The following ELF4 variants were observed in gnomAD, a reference collection of about 807,000 sequenced individuals.
ELF4 encodes ETS-related transcription factor Elf-4.
Under a neutral mutation model 31.7 loss-of-function variants are expected in ELF4, and 10 were observed. That is an observed-to-expected ratio of 0.32 (90% CI 0.19 to 0.54). The LOEUF is 0.54. Ranked by LOEUF, ELF4 falls within the 20% of genes least tolerant of loss-of-function variation. The probability of loss-of-function intolerance (pLI) is 0.95; values close to 1 mark genes in which losing one functional copy is unlikely to be tolerated. For missense variants in ELF4, 418 were observed against 522.0 expected (o/e 0.80, Z 1.94); for synonymous variants, 208 against 226.7 (o/e 0.92, Z 0.74).
chrX:130,081,211 G>C, intron 2 of ELF4, 45 bp downstream of exon 2: 1 of 1,190,901 alleles, frequency 8.4e-7, no homozygotes, highest in Non-Finnish European at 1.1e-6. Context: ...GTGTCTATCT[G>C]ATTGTCCACA....
At chrX:130,102,933 AGGGAGGG>A (rs1933306073) in intron 1 of ELF4, among the ~76,000 whole-genome samples, 1 of 102,656 alleles carries the variant, frequency 9.7e-6, no homozygotes, top group African/African-American at 3.7e-5. Flanking sequence ...AGAGAGAAGG[AGGGAGGG>A]AGGAAGGAAG....
At chrX:130,102,868 G>GAAAGAAAGAAAGAA (rs1339743473) in intron 1 of ELF4, among the ~76,000 whole-genome samples, 1 of 65,414 alleles carries the variant, frequency 1.5e-5, no homozygotes, top group African/African-American at 9.3e-5. Context: ...GAGAGAGAGA[G>GAAAGAAAGAAAGAA]AGAGAGAGAG....
chrX:130,073,235 T>A (rs1356047975), intron 4 of ELF4, among the ~76,000 whole-genome samples: 1 of 111,209 alleles, frequency 9.0e-6, no homozygotes, highest in Non-Finnish European at 1.9e-5. Context: ...ATTATAGGCA[T>A]GTGCCACCAC....
intron 1 of ELF4, 142 bp from the exon 2 acceptor site, chrX:130,081,681 G>T: frequency 3.3e-6 from 1 of 300,731 alleles, no homozygotes. Context: ...AGGATGATGA[G>T]AGAAGAAAAG....
intron 1 of ELF4, among the ~76,000 whole-genome samples, chrX:130,086,742 G>A (rs892457312): frequency 2.7e-5 from 3 of 112,840 alleles, no homozygotes; most frequent in Non-Finnish European, 3.8e-5. Flanking sequence ...ATTAAAAAGC[G>A]TTCATCCAGA....
intron 1 of ELF4, among the ~76,000 whole-genome samples, chrX:130,096,006 A>G (rs988467388): frequency 3.6e-5 from 4 of 111,143 alleles, no homozygotes; most frequent in African/African-American, 1.3e-4. Flanking sequence ...CCAAATTCCC[A>G]CTAAGCTCAG....
At chrX:130,099,364 A>G (rs1603209703) in intron 1 of ELF4, among the ~76,000 whole-genome samples, 1 of 111,783 alleles carries the variant, frequency 8.9e-6, no homozygotes, top group East Asian at 2.9e-4. Context: ...GCCTGAGGTC[A>G]GGAGTTCAAG....
intron 1 of ELF4, among the ~76,000 whole-genome samples, chrX:130,091,708 G>C (rs1458014926): frequency 1.8e-5 from 2 of 111,571 alleles, no homozygotes; most frequent in Non-Finnish European, 3.8e-5. Context: ...TCCTGGGCTG[G>C]GGTTAGGAGA....
rs758729488 is a variant in ELF4 at position 130,093,953 on chromosome X, C to T, written c.-209-12414G>A. Reference sequence around the variant, plus strand: ...GGCCTCCTGTCATGAGAGCAGGGGCCGGGCGTGGTGGCTCACACCTGTAAT... The same window carrying T: ...GGCCTCCTGTCATGAGAGCAGGGGCTGGGCGTGGTGGCTCACACCTGTAAT... On this transcript the variant is annotated intron_variant, in intron 1 of 8. Transcript: ENST00000308167. Among the ~76,000 whole-genome samples the T allele has an allele frequency of 3.7e-3, 413 of 112,204 alleles. 1 individual carries two copies. The highest frequency in any genetic ancestry group is 0.013 in the African/African-American group (388 of 30,870).
intron 1 of ELF4, among the ~76,000 whole-genome samples, chrX:130,101,677 G>A (rs1371317082): frequency 1.8e-5 from 2 of 110,305 alleles, no homozygotes; most frequent in African/African-American, 6.6e-5. Flanking sequence ...TGTAATCCCA[G>A]GTACTCGGGA....
intron 5 of ELF4, among the ~76,000 whole-genome samples, 158 bp from the exon 6 acceptor site, chrX:130,071,577 C>A (rs1052519924): frequency 8.0e-5 from 9 of 112,294 alleles, no homozygotes; most frequent in African/African-American, 2.9e-4. Context: ...GCCTTTGCAC[C>A]CTCATTTTCA....
At chrX:130,092,861 C>T in intron 1 of ELF4, among the ~76,000 whole-genome samples, 1 of 110,809 alleles carries the variant, frequency 9.0e-6, no homozygotes, top group Non-Finnish European at 1.9e-5. Flanking sequence ...ACAGTTGTCC[C>T]CTGGCATACT....
At chrX:130,075,746 G>A (rs1400450248) in intron 2 of ELF4, among the ~76,000 whole-genome samples, 1 of 111,878 alleles carries the variant, frequency 8.9e-6, no homozygotes, top group Non-Finnish European at 1.9e-5. Flanking sequence ...CTAGAGTCAG[G>A]GCTGGGGACC....
chrX:130,101,749 A>G (rs1464933097), intron 1 of ELF4, among the ~76,000 whole-genome samples: 4 of 110,784 alleles, frequency 3.6e-5, no homozygotes, highest in Non-Finnish European at 7.5e-5. Flanking sequence ...CAGTGAGCCG[A>G]GATCACGCCA....
chrX:130,087,672 T>TA (rs1932982601), intron 1 of ELF4, among the ~76,000 whole-genome samples: 1 of 110,890 alleles, frequency 9.0e-6, no homozygotes, highest in South Asian at 3.8e-4. Context: ...TTCACCATGT[T>TA]AGCCAGGCTG....
intron 1 of ELF4, among the ~76,000 whole-genome samples, chrX:130,107,851 T>C (rs1177922912): frequency 1.8e-5 from 2 of 112,708 alleles, no homozygotes; most frequent in South Asian, 3.6e-4. Flanking sequence ...GGGCATACAA[T>C]TGACTGGGAT....
At chrX:130,078,260 G>T (rs1217244977) in intron 2 of ELF4, among the ~76,000 whole-genome samples, 2 of 109,268 alleles carry the variant, frequency 1.8e-5, no homozygotes, top group Non-Finnish European at 3.8e-5. Flanking sequence ...TGGTCAGGCT[G>T]GTCTCGAACT....
intron 5 of ELF4, among the ~76,000 whole-genome samples, chrX:130,071,848 T>C (rs772880439): frequency 1.3e-3 from 149 of 112,376 alleles, no homozygotes; most frequent in African/African-American, 4.2e-3. Context: ...ATATATGGCC[T>C]CGGCTTTATA....
At chrX:130,095,226 G>A (rs1933128854) in intron 1 of ELF4, among the ~76,000 whole-genome samples, 1 of 112,469 alleles carries the variant, frequency 8.9e-6, no homozygotes, top group Admixed American at 9.4e-5. Flanking sequence ...GAGCCAGTAA[G>A]TGGCAGAGCC....
Sources: allele counts gnomAD v4.1 joint callset (sites outside exome capture counted in the v4.1 genomes callset), GRCh38; gene constraint gnomAD v4.1.1; transcripts MANE v1.5; gene names NCBI Gene and HGNC (gene_info 2026-07-23, HGNC 2026-07-21).